Variants in SMR3B observed in about 807,000 individuals in gnomAD.
SMR3B encodes submaxillary gland androgen-regulated protein 3B.
For missense variants in SMR3B, 114 were observed against 99.9 expected, an observed-to-expected ratio of 1.14 and a Z score of -0.60; for synonymous variants, 42 against 36.1, an observed-to-expected ratio of 1.16 and a Z score of -0.59.
At chr4:70,384,184 C>G (rs934019652) in intron 1 of SMR3B, among the ~76,000 whole-genome samples, 1 of 152,056 alleles carries the variant, frequency 6.6e-6, no homozygotes, top group African/African-American at 2.4e-5. Context: ...AAAGTAGTTA[C>G]TTCTAAGGGA....
At chr4:70,385,371 T>TAA (rs59371630) in intron 2 of SMR3B, among the ~76,000 whole-genome samples, 4,352 of 149,612 alleles carry the variant, frequency 0.029, 196 homozygotes, top group African/African-American at 0.095. Context: ...ACATGAAACA[T>TAA]AAAATAATTC....
At chr4:70,385,137 A>G (rs1732636590) in intron 2 of SMR3B, 1 of 152,228 alleles carries the variant, frequency 6.6e-6, no homozygotes. Flanking sequence ...TATCATACAA[A>G]ATTACAAAAA....
rs192880436 is a variant in SMR3B, at chr4:70,386,806, T to C, written c.54+2242T>C. On this transcript the variant is annotated intron_variant, in intron 2 of 2. Coordinates refer to ENST00000304915, the MANE Select transcript of SMR3B (RefSeq NM_006685.4). Reference sequence around the variant, plus strand: ...GTTTCAACAATAAAAGTGAATGGAGTATTTTCCCACACTAAGGATTTGTTT... The same window carrying C: ...GTTTCAACAATAAAAGTGAATGGAGCATTTTCCCACACTAAGGATTTGTTT... 2.0e-5 allele frequency among the ~76,000 whole-genome samples: 3 copies of C among 152,214 alleles called. No individual in the cohort carries two copies. The East Asian group carries it at 5.8e-4, about 29-fold the overall frequency.
chr4:70,388,460 G>A (rs1224918267), intron 2 of SMR3B, among the ~76,000 whole-genome samples: 1 of 151,962 alleles, frequency 6.6e-6, no homozygotes, highest in Non-Finnish European at 1.5e-5. Flanking sequence ...AACCATACTT[G>A]AGCCAATCAT....
At position 70,389,972 on chromosome 4, in the gene SMR3B, G is replaced by C. The variant is rs570026040; in HGVS notation, c.*124G>C. 2.0e-5 allele frequency: 32 copies of C among 1,567,456 alleles called. No individual in the cohort carries two copies. In the African/African-American group the frequency reaches 2.4e-4, roughly 12 times the overall value. The stretch of plus-strand genomic sequence containing the variant: ...AACTGATCCTACCCTCCCTACTCCT[G>C]CACCCCAAATATGAACAACTGCAGC... On this transcript the variant is annotated 3_prime_UTR_variant, in exon 3 of 3. Coordinates refer to ENST00000304915, the MANE Select transcript of SMR3B (RefSeq NM_006685.4).
rs1250174310 is a variant in SMR3B, at chr4:70,384,521, T to C, written c.11T>C (p.Leu4Pro). Residue 4 changes from leucine to proline, a missense_variant, in exon 2 of 3, where the codon CTG (leucine) becomes CCG (proline). Physicochemically the swap from Leu to Pro is moderately conservative, Grantham distance 98. Transcript: ENST00000304915. The stretch of plus-strand genomic sequence containing the variant: ...GAGGCAACTGAAAGGATGAAATCAC[T>C]GACTTGGATCTTGGGCCTTTGGGCT... Reference protein sequence around the residue: MKSLTWILGLWALA... With the variant: MKSPTWILGLWALA... 3.0e-5 allele frequency: 48 copies of C among 1,609,930 alleles called. No individual in the cohort carries two copies. The highest frequency in any genetic ancestry group is 5.0e-5 in the Admixed American group (3 of 59,406).
intron 2 of SMR3B, among the ~76,000 whole-genome samples, chr4:70,385,482 C>T (rs573573981): frequency 2.8e-5 from 4 of 143,714 alleles, no homozygotes; most frequent in African/African-American, 1.1e-4. Flanking sequence ...CGGCTCACTG[C>T]AAGCTCCGCC....
rs1426004155 is a variant in SMR3B, at chr4:70,383,185, C to G, written c.-42C>G. On this transcript the variant is annotated 5_prime_UTR_variant, in exon 1 of 3. It adds an upstream start codon to the 5' untranslated region. Coordinates refer to ENST00000304915, the MANE Select transcript of SMR3B (RefSeq NM_006685.4). ...GAGTCATTTTGACCAGCAGATTAAT[C>G]AACTGTAAGACAGATCCTCACACAA... is the stretch of plus-strand genomic sequence containing the variant. 1.3e-5 allele frequency: 2 copies of G among 152,072 alleles called. No homozygotes were observed. The highest frequency in any genetic ancestry group is 2.9e-5 in the Non-Finnish European group (2 of 68,002). The allele number at this position is 152,072 out of a possible 1,614,324, so 9.4% of individuals were successfully genotyped here. A position where few individuals can be genotyped will look rare whatever the true frequency, so the allele number is the denominator to read the frequency against.
intron 2 of SMR3B, among the ~76,000 whole-genome samples, chr4:70,388,131 G>T (rs1347663860): frequency 6.6e-6 from 1 of 152,026 alleles, no homozygotes; most frequent in Non-Finnish European, 1.5e-5. Context: ...ATTCTGTTTG[G>T]CATGTTCTCT....
intron 2 of SMR3B, chr4:70,385,227 A>C (rs1186095918): frequency 6.6e-6 from 1 of 152,188 alleles, no homozygotes; most frequent in Admixed American, 6.5e-5. Flanking sequence ...CCAGTGACAG[A>C]AAGAGAATAT....
In SMR3B at chr4:70,385,562, G is replaced by T. The variant is rs561066245; in HGVS notation, c.54+998G>T. Reference sequence around the variant, plus strand: ...GGGACTACAGGCGCCCGCCACCACGGCCGGCTAATTTTTTTGTATTTTTAG... The same window carrying T: ...GGGACTACAGGCGCCCGCCACCACGTCCGGCTAATTTTTTTGTATTTTTAG... On this transcript the variant is annotated intron_variant, in intron 2 of 2. Transcript: ENST00000304915. 2.0e-5 allele frequency among the ~76,000 whole-genome samples: 3 copies of T among 151,988 alleles called. No individual in the cohort carries two copies. In the South Asian group the frequency reaches 6.2e-4, roughly 32 times the overall value.
chr4:70,390,219 G>T lies in SMR3B; in HGVS notation c.*371G>T. ...GCAGACATAACATTTATACCAATGA[G>T]GCAAAAATAAAGAATTGAGCACCAA... On this transcript the variant is annotated 3_prime_UTR_variant, in exon 3 of 3. Coordinates refer to ENST00000304915, the MANE Select transcript of SMR3B (RefSeq NM_006685.4). 1.9e-6 allele frequency: 1 copy of T among 517,114 alleles called. No individual in the cohort carries two copies. The highest frequency in any genetic ancestry group is 3.5e-6 in the Non-Finnish European group (1 of 286,974). The allele number at this position is 517,114 out of a possible 1,614,324, so 32.0% of individuals were successfully genotyped here.
intron 1 of SMR3B, 131 bp from the exon 2 acceptor site, chr4:70,384,366 C>T: frequency 2.1e-6 from 3 of 1,451,386 alleles, no homozygotes; most frequent in Non-Finnish European, 2.8e-6. Flanking sequence ...TTCAAAATAA[C>T]ATTAGGCAAA....
At chr4:70,386,783 T>TTCAACAA (rs1395422434) in intron 2 of SMR3B, among the ~76,000 whole-genome samples, 4 of 152,192 alleles carry the variant, frequency 2.6e-5, no homozygotes, top group African/African-American at 4.8e-5. Context: ...TTTTAATTGT[T>TTCAACAA]TCAACAATAA....
At chr4:70,385,395 TTTG>T (rs1490960171) in intron 2 of SMR3B, among the ~76,000 whole-genome samples, 2 of 106,734 alleles carry the variant, frequency 1.9e-5, no homozygotes, top group African/African-American at 5.9e-5. Flanking sequence ...TTTCATCTAC[TTTG>T]TTTTTTTTTT....
intron 1 of SMR3B, 76 bp downstream of exon 1, chr4:70,383,288 G>T (rs552188820): frequency 6.6e-6 from 1 of 151,994 alleles, no homozygotes; most frequent in South Asian, 2.1e-4. Context: ...CATTTTCAAC[G>T]ATAACATTTT....
chr4:70,389,142 A>G (rs1393876346), intron 2 of SMR3B, among the ~76,000 whole-genome samples: 6 of 151,410 alleles, frequency 4.0e-5, no homozygotes, highest in African/African-American at 1.5e-4. Flanking sequence ...AGCATTAAAA[A>G]CTCATTATTA....
At position 70,386,314 on chromosome 4, in the gene SMR3B, TA is replaced by T. The variant is rs1319933137; in HGVS notation, c.54+1752del. Among the ~76,000 whole-genome samples, 29 of 151,474 alleles carry T rather than the reference TA, an allele frequency of 1.9e-4. 1 individual carries two copies. Among genetic ancestry groups the T allele is most frequent in the African/African-American group, 6.3e-4 (26 of 41,370 alleles). ...AAAAAAGAAAAAGATAGTTTTCTGA[TA>T]ACATAAGCAGTTTAAATGGAAATCA... On this transcript the variant is annotated intron_variant, in intron 2 of 2. Transcript: ENST00000304915.
intron 2 of SMR3B, 65 bp downstream of exon 2, chr4:70,384,629 T>A: frequency 6.4e-7 from 1 of 1,552,128 alleles, no homozygotes; most frequent in Non-Finnish European, 8.7e-7. Flanking sequence ...TTCAGATTTC[T>A]TTTTACATTA....
Sources: allele counts gnomAD v4.1 joint callset (sites outside exome capture counted in the v4.1 genomes callset), GRCh38; gene constraint gnomAD v4.1.1; transcripts MANE v1.5; gene names NCBI Gene and HGNC (gene_info 2026-07-23, HGNC 2026-07-21).